Variants in AHCYL2 observed in about 807,000 individuals in gnomAD.
AHCYL2 encodes adenosylhomocysteinase like 2, also known as S-adenosylhomocysteine hydrolase-like protein 2.
AHCYL2 carries 28 observed loss-of-function variants against 81.4 expected under a neutral mutation model. The observed-to-expected ratio is 0.34, with a 90% CI of 0.25 to 0.47. The LOEUF (loss-of-function observed/expected upper bound fraction) is 0.47. Among genes scored for constraint, AHCYL2 ranks in the 20% least tolerant of loss-of-function variants. The pLI, the probability that AHCYL2 is intolerant of heterozygous loss-of-function variation, is 1.00. For missense variants in AHCYL2, 551 were observed against 785.1 expected, an observed-to-expected ratio of 0.70 and a Z score of 3.56; for synonymous variants, 272 against 290.2, an observed-to-expected ratio of 0.94 and a Z score of 0.64.
At chr7:129,412,185 C>T (rs1023103642) in intron 11 of AHCYL2, among the ~76,000 whole-genome samples, 2 of 150,340 alleles carry the variant, frequency 1.3e-5, no homozygotes, top group Non-Finnish European at 3.0e-5. Flanking sequence ...CTGTCTCTAC[C>T]AAAAAAAATA....
At chr7:129,373,035 T>C (rs777421593) in intron 1 of AHCYL2, among the ~76,000 whole-genome samples, 3 of 152,106 alleles carry the variant, frequency 2.0e-5, no homozygotes, top group Non-Finnish European at 4.4e-5. Flanking sequence ...ACTGGTAGCA[T>C]CAGCGTCTCC....
intron 1 of AHCYL2, among the ~76,000 whole-genome samples, chr7:129,266,662 T>C (rs1350544024): frequency 6.6e-6 from 1 of 152,146 alleles, no homozygotes; most frequent in East Asian, 1.9e-4. Context: ...TATAATTGAG[T>C]ATCTAATTTA....
intron 1 of AHCYL2, among the ~76,000 whole-genome samples, chr7:129,231,092 C>T (rs1425925678): frequency 6.6e-6 from 1 of 151,942 alleles, no homozygotes. Flanking sequence ...ATTAGCTGGG[C>T]ATGGTGGTGC....
chr7:129,374,208 T>G (rs1305768153), intron 1 of AHCYL2, among the ~76,000 whole-genome samples: 1 of 152,240 alleles, frequency 6.6e-6, no homozygotes, highest in Non-Finnish European at 1.5e-5. Context: ...ATTAATATTA[T>G]GAGGCATGGT....
intron 1 of AHCYL2, among the ~76,000 whole-genome samples, chr7:129,312,009 C>T (rs1365543905): frequency 6.6e-6 from 1 of 152,074 alleles, no homozygotes; most frequent in African/African-American, 2.4e-5. Context: ...TTGGAGACAA[C>T]GTTTCGCTCT....
chr7:129,359,703 T>G (rs1056999935), intron 1 of AHCYL2, among the ~76,000 whole-genome samples: 2 of 152,220 alleles, frequency 1.3e-5, no homozygotes, highest in Non-Finnish European at 2.9e-5. Flanking sequence ...TTGACTTTTC[T>G]TTGAGAACAG....
At chr7:129,334,148 G>A (rs974857861) in intron 1 of AHCYL2, among the ~76,000 whole-genome samples, 1 of 152,306 alleles carries the variant, frequency 6.6e-6, no homozygotes, top group East Asian at 1.9e-4. Context: ...CTGACTTTAA[G>A]TCTCTTTTGT....
intron 1 of AHCYL2, among the ~76,000 whole-genome samples, chr7:129,270,416 T>G (rs772915408): frequency 1.3e-5 from 2 of 152,228 alleles, no homozygotes; most frequent in Non-Finnish European, 2.9e-5. Flanking sequence ...CATTTTTCAC[T>G]TTTTTCTTTG....
At position 129,420,686 on chromosome 7, in the gene AHCYL2, A is replaced by G. The variant is rs763671844; in HGVS notation, c.1462-2154A>G. On this transcript the variant is annotated intron_variant, in intron 12 of 16. Transcript: ENST00000325006. ...TTTTTTGTAGAGACAAGGTCTCACT[A>G]TGTTGCCCAAGCTGGTGTTGAACTC... is the stretch of plus-strand genomic sequence containing the variant. Among the ~76,000 whole-genome samples the G allele has an allele frequency of 2.1e-4, 32 of 151,022 alleles. 1 individual carries two copies. Among genetic ancestry groups the G allele is most frequent in the Non-Finnish European group, 3.4e-4 (23 of 67,800 alleles).
intron 1 of AHCYL2, among the ~76,000 whole-genome samples, chr7:129,247,408 G>A (rs528803166): frequency 1.1e-3 from 160 of 152,070 alleles, no homozygotes; most frequent in South Asian, 6.0e-3. Flanking sequence ...TTTTTAATTG[G>A]GTTGTTTTAT....
At chr7:129,336,071 CTTT>C (rs11373631) in intron 1 of AHCYL2, among the ~76,000 whole-genome samples, 263 of 118,414 alleles carry the variant, frequency 2.2e-3, no homozygotes, top group African/African-American at 9.1e-3. Context: ...CTTTTCTTTC[CTTT>C]TTTTTTTTTT....
chr7:129,317,479 G>A (rs778727125), intron 1 of AHCYL2, among the ~76,000 whole-genome samples: 13 of 152,150 alleles, frequency 8.5e-5, no homozygotes, highest in Non-Finnish European at 1.3e-4. Context: ...AAGGAAGACC[G>A]GGAAGAAAAG....
At chr7:129,317,165 T>A (rs998040844) in intron 1 of AHCYL2, among the ~76,000 whole-genome samples, 12 of 152,204 alleles carry the variant, frequency 7.9e-5, no homozygotes, top group South Asian at 4.1e-4. Flanking sequence ...TAGATTTTTT[T>A]AAAAAGCTTA....
chr7:129,327,744 G>A (rs914873744), intron 1 of AHCYL2, among the ~76,000 whole-genome samples: 3 of 151,962 alleles, frequency 2.0e-5, no homozygotes, highest in East Asian at 1.9e-4. Context: ...GATTACAGGC[G>A]TGAGCCACCG....
intron 1 of AHCYL2, among the ~76,000 whole-genome samples, chr7:129,311,721 A>T (rs1031064810): frequency 9.2e-5 from 14 of 152,132 alleles, no homozygotes; most frequent in Admixed American, 2.6e-4. Context: ...TCTAAGCCAC[A>T]CTGTCACATC....
chr7:129,373,695 A>C (rs984455686), intron 1 of AHCYL2, among the ~76,000 whole-genome samples: 3 of 152,134 alleles, frequency 2.0e-5, no homozygotes, highest in African/African-American at 7.2e-5. Context: ...TTTGGTATAG[A>C]TATGCCAGTC....
chr7:129,401,345 C>A (rs1024528431), intron 6 of AHCYL2, among the ~76,000 whole-genome samples: 1 of 150,900 alleles, frequency 6.6e-6, no homozygotes. Context: ...CAGTGCCCCC[C>A]CCCAAAAAAG....
At chr7:129,366,872 C>T (rs1334269431) in intron 1 of AHCYL2, among the ~76,000 whole-genome samples, 1 of 151,990 alleles carries the variant, frequency 6.6e-6, no homozygotes, top group East Asian at 1.9e-4. Context: ...GACATGTGCC[C>T]AAGGTGGTCA....
At chr7:129,413,413 T>G (rs1248018337) in intron 11 of AHCYL2, among the ~76,000 whole-genome samples, 181 bp from the exon 12 acceptor site, 2 of 152,214 alleles carry the variant, frequency 1.3e-5, no homozygotes, top group Non-Finnish European at 2.9e-5. Context: ...AGTGCTGGAA[T>G]TACAGGCATG....
Sources: gnomAD v4.1 joint callset for allele counts (sites outside exome capture counted in the v4.1 genomes callset) on GRCh38, gnomAD v4.1.1 for gene constraint, MANE v1.5 for transcripts, NCBI Gene and HGNC (gene_info 2026-07-23, HGNC 2026-07-21) for gene names.